PTPRN2: variants seen among roughly 807,000 people sequenced by gnomAD.
PTPRN2 encodes the protein protein tyrosine phosphatase receptor type N2.
A neutral mutation model predicts 118.8 loss-of-function variants in PTPRN2; 74 were observed. That is an observed-to-expected ratio of 0.62 (90% CI 0.52 to 0.76). The LOEUF (loss-of-function observed/expected upper bound fraction) is 0.76, where lower values mean the gene tolerates loss of function less well. Ranked by LOEUF, PTPRN2 falls within the 30% of genes least tolerant of loss-of-function variation. The pLI is 0.00. For synonymous variants in PTPRN2, 641 were observed against 608.0 expected (o/e 1.05, Z -0.80); for missense variants, 1,481 against 1,394.4 (o/e 1.06, Z -0.99).
intron 10 of PTPRN2, among the ~76,000 whole-genome samples, chr7:158,082,770 T>G (rs1377743508): frequency 6.6e-6 from 1 of 152,200 alleles, no homozygotes; most frequent in East Asian, 1.9e-4. Flanking sequence ...GATCTTCTAG[T>G]CCAAGCCTGT....
intron 12 of PTPRN2, among the ~76,000 whole-genome samples, chr7:157,692,566 A>G (rs970493824): frequency 6.6e-6 from 1 of 152,206 alleles, no homozygotes; most frequent in African/African-American, 2.4e-5. Context: ...GCCCAGGCTG[A>G]GTTCCGCATT....
At chr7:158,340,420 CA>C (rs1563174081) in intron 2 of PTPRN2, among the ~76,000 whole-genome samples, 156 of 62,352 alleles carry the variant, frequency 2.5e-3, no homozygotes, top group African/African-American at 2.7e-3. Context: ...ACGTCACTCA[CA>C]CACACACTCT....
At chr7:158,527,306 C>A (rs976467877) in intron 1 of PTPRN2, among the ~76,000 whole-genome samples, 1 of 152,186 alleles carries the variant, frequency 6.6e-6, no homozygotes, top group African/African-American at 2.4e-5. Context: ...CCATGCCCCC[C>A]GCCACCGGAG....
At chr7:158,425,694 G>A (rs1815684893) in intron 2 of PTPRN2, among the ~76,000 whole-genome samples, 1 of 41,920 alleles carries the variant, frequency 2.4e-5, no homozygotes, top group Admixed American at 2.5e-4. Flanking sequence ...TGAGGCCTGC[G>A]CACCGCCGGG....
At chr7:158,213,384 T>A (rs757787050) in intron 3 of PTPRN2, among the ~76,000 whole-genome samples, 1 of 152,162 alleles carries the variant, frequency 6.6e-6, no homozygotes, top group African/African-American at 2.4e-5. Context: ...TTAAATGTTA[T>A]AGACGGCAAA....
At chr7:158,354,465 C>T (rs74570510) in intron 2 of PTPRN2, among the ~76,000 whole-genome samples, 3,743 of 140,824 alleles carry the variant, frequency 0.027, 63 homozygotes, top group African/African-American at 0.051. Flanking sequence ...AAGATAACAC[C>T]AGGAAATCAA....
chr7:157,787,065 G>A lies in PTPRN2; in HGVS notation c.1789-104128C>T, dbSNP rs1161570165. Among the ~76,000 whole-genome samples, 21 of 131,136 alleles carry A rather than the reference G, an allele frequency of 1.6e-4. No individual in the cohort carries two copies. The East Asian group carries it at 3.3e-3, about 21-fold the overall frequency. The allele number at this position is 131,136 out of a possible 152,430, so 86.0% of individuals were successfully genotyped here. Reference sequence around the variant, plus strand: ...GGGGGTGGCTGCCCGGGAGGCGGACGCGGGTGCGGCGGGGGACGCGGGGGT... The same window carrying A: ...GGGGGTGGCTGCCCGGGAGGCGGACACGGGTGCGGCGGGGGACGCGGGGGT... On this transcript the variant is annotated intron_variant, in intron 12 of 22. Transcript: ENST00000389418. This position sits in a 1 kb window ranked among gnomAD's most constrained non-coding sequence, Gnocchi z 5.3.
In PTPRN2 at chr7:158,141,726, T is replaced by A. The variant is rs148241633; in HGVS notation, c.911-3211A>T. Among the ~76,000 whole-genome samples the A allele has an allele frequency of 2.5e-3, 379 of 152,282 alleles. 1 individual carries two copies. In the Middle Eastern group the frequency reaches 0.034, roughly 14 times the overall value. ...GGTCACAGCCATGACCCTCTGATTT[T>A]CCCCTTTGAAAACCTGAGTCCTGTC... On this transcript the variant is annotated intron_variant, in intron 6 of 22. Coordinates refer to ENST00000389418, the MANE Select transcript of PTPRN2 (RefSeq NM_002847.5).
At chr7:158,333,971 T>C (rs1805058025) in intron 2 of PTPRN2, among the ~76,000 whole-genome samples, 1 of 14,866 alleles carries the variant, frequency 6.7e-5, no homozygotes, top group Non-Finnish European at 1.5e-4. Context: ...ACACCCACAA[T>C]CTCACCATAA....
chr7:157,587,124 C>G lies in PTPRN2; in HGVS notation c.2496+8114G>C, dbSNP rs1334469859. ...CTAGTGCAGTAGCTGACACAGCAGA[C>G]AGGCAGATACACAGGCAGGCAGACA... On this transcript the variant is annotated intron_variant, in intron 17 of 22. Coordinates refer to ENST00000389418, the MANE Select transcript of PTPRN2 (RefSeq NM_002847.5). This position sits in a 1 kb window ranked among gnomAD's most constrained non-coding sequence, Gnocchi z 5.3. Among the ~76,000 whole-genome samples the G allele has an allele frequency of 6.6e-6, 1 of 152,154 alleles. No homozygotes were observed. The highest frequency in any genetic ancestry group is 2.4e-5 in the African/African-American group (1 of 41,430).
intron 2 of PTPRN2, among the ~76,000 whole-genome samples, chr7:158,385,824 C>T (rs1347716527): frequency 6.6e-6 from 1 of 151,888 alleles, no homozygotes; most frequent in Non-Finnish European, 1.5e-5. Flanking sequence ...TGGATTTCAT[C>T]TCCAGGAAGA....
At chr7:157,904,624 C>A (rs997759275) in intron 11 of PTPRN2, among the ~76,000 whole-genome samples, 5 of 152,268 alleles carry the variant, frequency 3.3e-5, no homozygotes, top group Non-Finnish European at 7.3e-5. Context: ...GGCGTCTACG[C>A]GTTCCCTTGG....
At chr7:157,740,707 C>T (rs1242488547) in intron 12 of PTPRN2, among the ~76,000 whole-genome samples, 1 of 152,166 alleles carries the variant, frequency 6.6e-6, no homozygotes, top group Non-Finnish European at 1.5e-5. Context: ...AAACAATCCA[C>T]GAGCTAATGA....
In PTPRN2 at chr7:157,615,392, C is replaced by G. The variant is rs775045718; in HGVS notation, c.2344+5970G>C. 8.3e-5 allele frequency: 39 copies of G among 467,750 alleles called. No individual in the cohort carries two copies. The highest frequency in any genetic ancestry group is 7.6e-5 in the Non-Finnish European group (17 of 224,734). The allele number at this position is 467,750 out of a possible 1,614,324, so 29.0% of individuals were successfully genotyped here. ...TGGGCTCCCTAACCTCCTTCAGCCC[C>G]AGCTCTGTCCCTGTGTGAATCTCAG... On this transcript the variant is annotated intron_variant, in intron 15 of 22. Transcript: ENST00000389418. The surrounding 1 kb of genome is among the most constrained non-coding windows in gnomAD (Gnocchi z 4.3).
At chr7:158,550,938 C>T (rs1229160471) in intron 1 of PTPRN2, among the ~76,000 whole-genome samples, 1 of 152,222 alleles carries the variant, frequency 6.6e-6, no homozygotes, top group Admixed American at 6.5e-5. Context: ...CTCATCCCAT[C>T]CATGAGTGAC....
At chr7:158,054,202 G>A (rs1446283432) in intron 11 of PTPRN2, among the ~76,000 whole-genome samples, 5 of 152,214 alleles carry the variant, frequency 3.3e-5, no homozygotes, top group Non-Finnish European at 7.3e-5. Context: ...TCTGATTAGG[G>A]CCTGTGTGAA....
At chr7:158,081,189 T>C in intron 11 of PTPRN2, 109 bp downstream of exon 11, 2 of 1,121,244 alleles carry the variant, frequency 1.8e-6, no homozygotes, top group East Asian at 2.4e-5. Flanking sequence ...TTGCCCCATG[T>C]GGGTAGTGTG....
At chr7:157,959,118 T>C (rs770199211) in intron 11 of PTPRN2, among the ~76,000 whole-genome samples, 2 of 152,188 alleles carry the variant, frequency 1.3e-5, no homozygotes, top group Admixed American at 6.5e-5. Context: ...GCCAAGACCA[T>C]TCAATGAGGA....
intron 12 of PTPRN2, among the ~76,000 whole-genome samples, chr7:157,871,851 A>T (rs532825006): frequency 6.6e-6 from 1 of 151,734 alleles, no homozygotes; most frequent in East Asian, 1.9e-4. Flanking sequence ...ATGTGCACTC[A>T]GCTCCAGAAC....
Sources: allele counts gnomAD v4.1 joint callset (sites outside exome capture counted in the v4.1 genomes callset), GRCh38; gene constraint gnomAD v4.1.1; non-coding constraint Gnocchi (gnomAD v3.1); transcripts MANE v1.5; gene names NCBI Gene and HGNC (gene_info 2026-07-23, HGNC 2026-07-21).